The following GRIN2C variants were observed in gnomAD, a reference collection of about 807,000 sequenced individuals.
The protein encoded by GRIN2C is glutamate ionotropic receptor NMDA type subunit 2C, also known as glutamate receptor ionotropic, NMDA 2C.
A neutral mutation model predicts 77.7 loss-of-function variants in GRIN2C; 64 were observed. The ratio of observed to expected loss-of-function variants is 0.82; its 90% CI spans 0.67 to 1.01. The LOEUF is 1.01. Among genes scored for constraint, GRIN2C ranks in the 50% least tolerant of loss-of-function variants. GRIN2C has a pLI of 0.00. For missense variants in GRIN2C, 1,549 were observed against 1,486.0 expected (o/e 1.04, Z -0.70); for synonymous variants, 792 against 643.4 (o/e 1.23, Z -3.49).
Position 74,847,388 on chromosome 17 carries a change from C to A in GRIN2C, c.1921G>T (p.Ala641Ser). 1 of 1,612,974 alleles carries A rather than the reference C, an allele frequency of 6.2e-7. No individual in the cohort carries two copies. The highest frequency in any genetic ancestry group is 8.5e-7 in the Non-Finnish European group (1 of 1,179,520). ...GCGGCCAGGTTGGCCGTGTAGCTGG[C>A]GAGGAAGATGACAGCAAAGAAGGCC... ...VWAFFAVIFLASYTANLAAFM... is the reference protein window; with the variant it reads ...VWAFFAVIFLSSYTANLAAFM... The change falls in exon 9 of 13, where the codon GCC becomes TCC. Residue 641 changes from alanine (A) to serine (S), a missense_variant. Ala to Ser is a moderately conservative substitution (Grantham distance 99). Transcript: ENST00000293190. The surrounding 1 kb of genome is among the most constrained non-coding windows in gnomAD (Gnocchi z 5.2).
intron 1 of GRIN2C, 48 bp from the exon 2 acceptor site, chr17:74,855,155 GA>G: frequency 2.1e-6 from 3 of 1,450,068 alleles, no homozygotes; most frequent in Non-Finnish European, 2.8e-6. Flanking sequence ...GAGGTTTGGA[GA>G]GAGGCAGATG....
chr17:74,858,471 C>G (rs2037875069), intron 1 of GRIN2C, among the ~76,000 whole-genome samples: 1 of 151,962 alleles, frequency 6.6e-6, no homozygotes, highest in Non-Finnish European at 1.5e-5. Flanking sequence ...TCCCTGGGCT[C>G]CAAATAGCAA....
chr17:74,849,678 C>G lies in GRIN2C; in HGVS notation c.1645+102G>C, dbSNP rs548526658. 9.1e-7 allele frequency: 1 copy of G among 1,101,044 alleles called. No homozygotes were observed. The highest frequency in any genetic ancestry group is 1.4e-5 in the South Asian group (1 of 71,938). The allele number at this position is 1,101,044 out of a possible 1,614,324, so 68.2% of individuals were successfully genotyped here. On this transcript the variant is annotated intron_variant, in intron 7 of 12. Coordinates refer to ENST00000293190, the MANE Select transcript of GRIN2C (RefSeq NM_000835.6). This position sits in a 1 kb window ranked among gnomAD's most constrained non-coding sequence, Gnocchi z 4.6. ...AAGACCCAAGGCTGCTGTGCTTGGC[C>G]TGTGAGAGCCCACCCAACTCCCCAT...
At position 74,846,954 on chromosome 17, in the gene GRIN2C, T is replaced by C. The variant is rs767886000; in HGVS notation, c.2002-34A>G. The C allele has an allele frequency of 3.8e-6, 6 of 1,584,558 alleles. No homozygotes were observed. In the African/African-American group the frequency reaches 8.0e-5, roughly 21 times the overall value. ...GGAGGGCAGCAGCCAGTCACAACCCTTCCTCCAGCCTTCCAGGCACCAAAG... is the reference window on the plus strand; with the variant it reads ...GGAGGGCAGCAGCCAGTCACAACCCCTCCTCCAGCCTTCCAGGCACCAAAG... On this transcript the variant is annotated intron_variant, in intron 9 of 12. Coordinates refer to ENST00000293190, the MANE Select transcript of GRIN2C (RefSeq NM_000835.6). This position sits in a 1 kb window ranked among gnomAD's most constrained non-coding sequence, Gnocchi z 4.4.
In GRIN2C at chr17:74,845,387, C is replaced by T. The variant is rs1345259545; in HGVS notation, c.2350+679G>A. ...TCAAGGGATCCTCCTGCCTCAGCCTCCCAAGTAGCTGGGATTATAGGTGTG... is the reference window on the plus strand; with the variant it reads ...TCAAGGGATCCTCCTGCCTCAGCCTTCCAAGTAGCTGGGATTATAGGTGTG... On this transcript the variant is annotated intron_variant, in intron 11 of 12. Transcript: ENST00000293190. Among the ~76,000 whole-genome samples the T allele has an allele frequency of 2.6e-5, 4 of 152,022 alleles. No individual in the cohort carries two copies. The East Asian group carries it at 7.7e-4, about 29-fold the overall frequency.
In GRIN2C at chr17:74,850,635, C is replaced by G; in HGVS notation, c.1246G>C (p.Val416Leu). The change falls in exon 5 of 13, where the codon GTG (valine) becomes CTG (leucine). Residue 416 changes from valine (V) to leucine (L), a missense_variant. By Grantham distance (32) the Val-to-Leu change is conservative. This residue lies in a region of GRIN2C where 717 missense variants were observed against 858.1 expected (regional missense o/e 0.84). Transcript: ENST00000293190. The surrounding 1 kb of genome is among the most constrained non-coding windows in gnomAD (Gnocchi z 5.3). ...CCTGTGCCAGGGTCAGGGCTCTCCA[C>G]GATGACAAAGGGCCGCTCTTCCAGC... ...ATLEERPFVI[V>L]ESPDPGTGGC... 1.2e-6 allele frequency: 2 copies of G among 1,613,714 alleles called. No individual in the cohort carries two copies. The highest frequency in any genetic ancestry group is 1.7e-6 in the Non-Finnish European group (2 of 1,180,028).
In GRIN2C at chr17:74,842,240, C is replaced by G; in HGVS notation, c.*195G>C. On this transcript the variant is annotated 3_prime_UTR_variant, in exon 13 of 13. Coordinates refer to ENST00000293190, the MANE Select transcript of GRIN2C (RefSeq NM_000835.6). Reference sequence around the variant, plus strand: ...GGCAGAACTCTGCGTGAGAAGAGGACAGCAAAAGCCCAGCCCTCACCATGA... The same window carrying G: ...GGCAGAACTCTGCGTGAGAAGAGGAGAGCAAAAGCCCAGCCCTCACCATGA... The G allele has an allele frequency of 3.7e-6, 2 of 540,576 alleles. No individual in the cohort carries two copies. The highest frequency in any genetic ancestry group is 4.8e-5 in the South Asian group (2 of 41,342). 33.5% of individuals were successfully genotyped at this position (540,576 alleles called of 1,614,324 possible).
chr17:74,856,425 G>C (rs574297528), intron 1 of GRIN2C, among the ~76,000 whole-genome samples: 1 of 151,806 alleles, frequency 6.6e-6, no homozygotes, highest in South Asian at 2.1e-4. Context: ...TGCTGGGCAG[G>C]CTCCAGCTTT....
rs1176218847 is a variant in GRIN2C at position 74,849,453 on chromosome 17, G to A, written c.1645+327C>T. The stretch of plus-strand genomic sequence containing the variant: ...CTACACTCGCTCCTCAACTCCCCAC[G>A]GGCCTCCCCCACTCGTTCCACAGTC... On this transcript the variant is annotated intron_variant, in intron 7 of 12. Coordinates refer to ENST00000293190, the MANE Select transcript of GRIN2C (RefSeq NM_000835.6). This position sits in a 1 kb window ranked among gnomAD's most constrained non-coding sequence, Gnocchi z 4.6. Among the ~76,000 whole-genome samples, 3 of 152,058 alleles carry A rather than the reference G, an allele frequency of 2.0e-5. No individual in the cohort carries two copies. The highest frequency in any genetic ancestry group is 2.1e-4 in the South Asian group (1 of 4,822).
rs765056385 is a variant in GRIN2C at position 74,846,942 on chromosome 17, C to T, written c.2002-22G>A. The T allele has an allele frequency of 6.3e-7, 1 of 1,593,742 alleles. No homozygotes were observed. Among genetic ancestry groups the T allele is most frequent in the East Asian group, 2.2e-5 (1 of 44,630 alleles). ...GAAACTGCAGGCGGAGGGCAGCAGC[C>T]AGTCACAACCCTTCCTCCAGCCTTC... On this transcript the variant is annotated intron_variant, in intron 9 of 12. Coordinates refer to ENST00000293190, the MANE Select transcript of GRIN2C (RefSeq NM_000835.6). The surrounding 1 kb of genome is among the most constrained non-coding windows in gnomAD (Gnocchi z 4.4).
intron 12 of GRIN2C, 63 bp downstream of exon 12, chr17:74,844,213 C>T: frequency 6.3e-7 from 1 of 1,594,268 alleles, no homozygotes; most frequent in Non-Finnish European, 8.6e-7. Flanking sequence ...CATGGCCAGC[C>T]CGGACTTATC....
chr17:74,844,402 G>C lies in GRIN2C; in HGVS notation c.2457C>G (p.Phe819Leu). 1 of 1,614,210 alleles carries C rather than the reference G, an allele frequency of 6.2e-7. No individual in the cohort carries two copies. ...KLDIDNMAGVFYMLLVAMGLA... is the reference protein window; with the variant it reads ...KLDIDNMAGVLYMLLVAMGLA... ...GCCCCATGGCCACCAGCAGCATGTAGAAGACGCCTGCCATGTTGTCGATGT... is the reference window on the plus strand; with the variant it reads ...GCCCCATGGCCACCAGCAGCATGTACAAGACGCCTGCCATGTTGTCGATGT... Residue 819 changes from phenylalanine (F) to leucine (L), a missense_variant, in exon 12 of 13, where the codon TTC (phenylalanine) becomes TTG (leucine). Phe to Leu is a conservative substitution (Grantham distance 22). Around this residue, in one of 3 missense-constraint regions of GRIN2C, gnomAD observed 717 missense variants for 858.1 expected, o/e 0.84. Coordinates refer to ENST00000293190, the MANE Select transcript of GRIN2C (RefSeq NM_000835.6).
upstream of GRIN2C, among the ~76,000 whole-genome samples, chr17:74,861,144 C>T (rs1424829082): frequency 1.3e-5 from 2 of 152,200 alleles, no homozygotes; most frequent in African/African-American, 2.4e-5. Flanking sequence ...TGGGGACGAA[C>T]GTCTTGGACG....
At chr17:74,843,587 C>A in intron 12 of GRIN2C, 34 bp from the exon 13 acceptor site, 1 of 1,526,438 alleles carries the variant, frequency 6.6e-7, no homozygotes, top group Non-Finnish European at 8.7e-7. Context: ...CCGTAAGCAG[C>A]GCCCTCCGCT....
At chr17:74,861,177 C>T (rs1333898298), upstream of GRIN2C, among the ~76,000 whole-genome samples, 1 of 152,206 alleles carries the variant, frequency 6.6e-6, no homozygotes, top group Non-Finnish European at 1.5e-5. Flanking sequence ...CCTTCTCTCG[C>T]GTCCGCCGCG....
chr17:74,848,860 T>TA (rs1234664693), intron 7 of GRIN2C, among the ~76,000 whole-genome samples: 1 of 151,852 alleles, frequency 6.6e-6, no homozygotes, highest in Non-Finnish European at 1.5e-5. Flanking sequence ...CTACACAAAA[T>TA]ACAAAAATTA....
chr17:74,844,545 C>A (rs1567888658), intron 11 of GRIN2C, 37 bp from the exon 12 acceptor site: 4 of 1,599,174 alleles, frequency 2.5e-6, no homozygotes, highest in Middle Eastern at 1.7e-4. Context: ...GCTCAGGAAA[C>A]CCCCCTATAA....
rs1276743431 is a variant in GRIN2C at position 74,844,317 on chromosome 17, G to A, written c.2542C>T (p.Pro848Ser). ...AGGAAGTCCAGCTGGGATGAGTTGGGCACCGAGTGGCGCAGCTTCCAGTAG... is the reference window on the plus strand; with the variant it reads ...AGGAAGTCCAGCTGGGATGAGTTGGACACCGAGTGGCGCAGCTTCCAGTAG... ...LVYWKLRHSV[P>S]NSSQLDFLLA... Residue 848 changes from proline to serine, a missense_variant, in exon 12 of 13, where the codon CCC becomes TCC. By Grantham distance (74) the Pro-to-Ser change is moderately conservative. This residue lies in a region of GRIN2C where 717 missense variants were observed against 858.1 expected (regional missense o/e 0.84). Transcript: ENST00000293190. 1 of 1,613,996 alleles carries A rather than the reference G, an allele frequency of 6.2e-7. No individual in the cohort carries two copies. The highest frequency in any genetic ancestry group is 1.7e-5 in the Admixed American group (1 of 60,000).
chr17:74,851,825 G>A (rs1469951174), intron 3 of GRIN2C, 134 bp from the exon 4 acceptor site: 16 of 704,360 alleles, frequency 2.3e-5, no homozygotes, highest in Non-Finnish European at 3.7e-5. Context: ...TTGGCCCCAC[G>A]ATCCTTGCCA....
Sources: gnomAD v4.1 joint callset for allele counts (sites outside exome capture counted in the v4.1 genomes callset) on GRCh38, gnomAD v4.1.1 for gene constraint, gnomAD v4.1.1 regional missense constraint, Gnocchi (gnomAD v3.1) non-coding constraint, MANE v1.5 for transcripts, NCBI Gene and HGNC (gene_info 2026-07-23, HGNC 2026-07-21) for gene names.